The following OVCH1 variants were observed in gnomAD, a reference collection of about 807,000 sequenced individuals.
OVCH1 encodes ovochymase 1, also known as ovochymase-1.
In OVCH1, 139 loss-of-function variants were observed where a neutral mutation model predicts 138.4. The observed-to-expected ratio is 1.00, with a 90% confidence interval of 0.87 to 1.16. The LOEUF is 1.16. OVCH1 is among the 50% of genes most tolerant of loss of function. OVCH1 has a pLI of 0.00. For synonymous variants in OVCH1, 453 were observed against 467.8 expected (o/e 0.97, Z 0.41); for missense variants, 1,367 against 1,357.9 (o/e 1.01, Z -0.11).
Position 29,439,332 on chromosome 12 carries a change from G to T in OVCH1, c.3260C>A (p.Ser1087Ter). The T allele has an allele frequency of 6.6e-7, 1 of 1,518,588 alleles. No individual in the cohort carries two copies. The highest frequency in any genetic ancestry group is 1.3e-5 in the South Asian group (1 of 74,212). 94.1% of individuals were successfully genotyped at this position (1,518,588 alleles called of 1,614,324 possible). Residue 1087 changes from serine to a stop codon, truncating the protein, a stop_gained, in exon 26 of 28, where the codon TCA becomes TAA. Coordinates refer to ENST00000318184, the Ensembl canonical transcript of OVCH1. LOFTEE classifies it high-confidence loss of function. ...TCACCTCTTTGAGTTACTCACCACT[G>T]AATTTTCCCATATATGCATGATATA...
Position 29,459,022 on chromosome 12 carries a change from A to G in OVCH1, c.2280+2832T>C, listed in dbSNP as rs147688378. On this transcript the variant is annotated intron_variant, in intron 19 of 27. Coordinates refer to ENST00000318184, the Ensembl canonical transcript of OVCH1. ...AGGGAGGTGGAGAAAAAGGGAACCC[A>G]TGTACATTATTGATGAGAATATCAA... is the stretch of plus-strand genomic sequence containing the variant. Among the ~76,000 whole-genome samples, 78 of 151,890 alleles carry G rather than the reference A, an allele frequency of 5.1e-4. 1 individual carries two copies. The highest frequency in any genetic ancestry group is 1.7e-3 in the African/African-American group (71 of 41,242).
chr12:29,495,502 G>C (rs761088447), intron 3 of OVCH1, 45 bp from the exon 4 acceptor site: 11 of 1,535,242 alleles, frequency 7.2e-6, no homozygotes, highest in Non-Finnish European at 9.8e-6. Context: ...TTTCCCCTAC[G>C]CAAGTCTTCT....
intron 14 of OVCH1, among the ~76,000 whole-genome samples, chr12:29,473,870 C>T (rs1351200998): frequency 6.6e-6 from 1 of 152,060 alleles, no homozygotes; most frequent in Non-Finnish European, 1.5e-5. Context: ...ATAAAGCAGG[C>T]AGAAAAACAT....
Position 29,454,010 on chromosome 12 carries a change from T to C in OVCH1, c.2530+831A>G, listed in dbSNP as rs568253965. Among the ~76,000 whole-genome samples, 5 of 152,244 alleles carry C rather than the reference T, an allele frequency of 3.3e-5. No individual in the cohort carries two copies. The East Asian group carries it at 9.7e-4, about 29-fold the overall frequency. ...TTGAACAACCGCTTCTTTTTGTTCATCTGCTAAGAAAAAGAAGCCATCAGA... is the reference window on the plus strand; with the variant it reads ...TTGAACAACCGCTTCTTTTTGTTCACCTGCTAAGAAAAAGAAGCCATCAGA... On this transcript the variant is annotated intron_variant, in intron 21 of 27. Coordinates refer to ENST00000318184, the Ensembl canonical transcript of OVCH1.
intron 13 of OVCH1, among the ~76,000 whole-genome samples, chr12:29,475,941 A>C (rs1317778020): frequency 6.6e-6 from 1 of 152,186 alleles, no homozygotes; most frequent in African/African-American, 2.4e-5. Context: ...ACCTTAAATA[A>C]TTGCAGTTTC....
chr12:29,429,125 G>T (rs1398955894), intron 27 of OVCH1, among the ~76,000 whole-genome samples: 3 of 152,074 alleles, frequency 2.0e-5, no homozygotes, highest in Non-Finnish European at 4.4e-5. Context: ...TTTATCTGAG[G>T]TCTAAAAAGG....
At chr12:29,466,712 T>C (rs766346459) in intron 16 of OVCH1, among the ~76,000 whole-genome samples, 1 of 152,174 alleles carries the variant, frequency 6.6e-6, no homozygotes, top group Non-Finnish European at 1.5e-5. Context: ...TCTGCCTACT[T>C]CTGATACACC....
chr12:29,427,879 C>T (rs1592029828), intron 27 of OVCH1, among the ~76,000 whole-genome samples: 2 of 152,288 alleles, frequency 1.3e-5, no homozygotes, highest in South Asian at 4.2e-4. Flanking sequence ...TACACAGGCT[C>T]ATTACAGAAA....
At chr12:29,473,838 A>G (rs112314956) in intron 14 of OVCH1, among the ~76,000 whole-genome samples, 6,537 of 152,172 alleles carry the variant, frequency 0.043, 171 homozygotes, top group East Asian at 0.069. Flanking sequence ...GGTGGGCACA[A>G]TCTAATCAGC....
intron 27 of OVCH1, chr12:29,430,996 A>ACT (rs1941257898): frequency 2.2e-6 from 1 of 456,842 alleles, no homozygotes; most frequent in African/African-American, 2.0e-5. Context: ...ATTGTATTTA[A>ACT]TTTTTCCTCT....
At position 29,492,064 on chromosome 12, in the gene OVCH1, C is replaced by T. The variant is rs114749633; in HGVS notation, c.455-872G>A. 2.3e-3 allele frequency among the ~76,000 whole-genome samples: 356 copies of T among 152,058 alleles called. 1 individual carries two copies. Among genetic ancestry groups the T allele is most frequent in the African/African-American group, 8.2e-3 (342 of 41,484 alleles). ...TACATTGTTCAGTGGTAAATACATG[C>T]TATGGAAAAATAATAGGATAAAGGA... On this transcript the variant is annotated intron_variant, in intron 4 of 27. Coordinates refer to ENST00000318184, the Ensembl canonical transcript of OVCH1.
chr12:29,430,322 C>T (rs1941247084), intron 27 of OVCH1, among the ~76,000 whole-genome samples: 1 of 152,180 alleles, frequency 6.6e-6, no homozygotes, highest in Non-Finnish European at 1.5e-5. Flanking sequence ...TTCCAGAGAG[C>T]ACCAGCTGTG....
chr12:29,427,035 CCT>C (rs1418105070), downstream of OVCH1, among the ~76,000 whole-genome samples: 1 of 152,176 alleles, frequency 6.6e-6, no homozygotes, highest in African/African-American at 2.4e-5. Flanking sequence ...AAATTACTCC[CCT>C]GTCAAAACTT....
chr12:29,419,516 G>C (rs868810857), intron 3 of OVCH1, among the ~76,000 whole-genome samples: 1 of 151,456 alleles, frequency 6.6e-6, no homozygotes, highest in Non-Finnish European at 1.5e-5. Context: ...GGATGGTCTC[G>C]ATCTCCTGAC....
downstream of OVCH1, among the ~76,000 whole-genome samples, chr12:29,426,858 C>T (rs1311461915): frequency 3.9e-5 from 6 of 152,222 alleles, no homozygotes; most frequent in South Asian, 1.2e-3. Context: ...ATATGGTAGT[C>T]ACTCGCTACA....
At chr12:29,458,814 A>T (rs887748381) in intron 19 of OVCH1, among the ~76,000 whole-genome samples, 2 of 152,220 alleles carry the variant, frequency 1.3e-5, no homozygotes, top group East Asian at 1.9e-4. Context: ...ATCTGATTTT[A>T]AAAATGGACA....
intron 22 of OVCH1, among the ~76,000 whole-genome samples, chr12:29,447,309 AT>A (rs1330982900): frequency 2.6e-5 from 4 of 152,144 alleles, no homozygotes; most frequent in Non-Finnish European, 5.9e-5. Flanking sequence ...AAACAAAAAA[AT>A]AAAAGCAAAA....
At chr12:29,451,040 T>C (rs1941776912) in intron 22 of OVCH1, among the ~76,000 whole-genome samples, 1 of 151,746 alleles carries the variant, frequency 6.6e-6, no homozygotes, top group Non-Finnish European at 1.5e-5. Context: ...AGGGGAGGGA[T>C]AGCACTAGGA....
At chr12:29,487,810 C>T (rs1337342379) in exon 7 of OVCH1, 2 of 1,606,946 alleles carry the variant, frequency 1.2e-6, no homozygotes, top group East Asian at 2.2e-5. Context: ...CAACCAGCTA[C>T]CCAGGAAGTT....
Sources: gnomAD v4.1 joint callset for allele counts (sites outside exome capture counted in the v4.1 genomes callset) on GRCh38, gnomAD v4.1.1 for gene constraint, MANE v1.5 for transcripts, NCBI Gene and HGNC (gene_info 2026-07-23, HGNC 2026-07-21) for gene names.